EBF2: variants seen among roughly 807,000 people sequenced by gnomAD.
The protein encoded by EBF2 is transcription factor COE2.
EBF2 carries 21 observed loss-of-function variants against 72.8 expected under a neutral mutation model. That is an observed-to-expected ratio of 0.29 (90% CI 0.20 to 0.42). EBF2 has a LOEUF of 0.42. Among genes scored for constraint, EBF2 ranks in the 10% least tolerant of loss-of-function variants. EBF2 has a pLI of 1.00. For missense variants in EBF2, 637 were observed against 731.2 expected (o/e 0.87, Z 1.49); for synonymous variants, 299 against 274.2 (o/e 1.09, Z -0.89).
chr8:25,893,179 G>A (rs1396710029), intron 7 of EBF2, among the ~76,000 whole-genome samples: 2 of 151,650 alleles, frequency 1.3e-5, no homozygotes, highest in African/African-American at 2.4e-5. Flanking sequence ...TATAAATTGT[G>A]TGTGTGAATG....
intron 6 of EBF2, among the ~76,000 whole-genome samples, chr8:25,925,208 G>A (rs1243378373): frequency 2.0e-5 from 3 of 152,162 alleles, no homozygotes; most frequent in East Asian, 3.9e-4. Flanking sequence ...TGGAAATTCT[G>A]ACATCTTTTC....
At position 26,037,138 on chromosome 8, in the gene EBF2, G is replaced by A. The variant is rs79185913; in HGVS notation, c.482+2890C>T. Among the ~76,000 whole-genome samples, 365 of 152,110 alleles carry A rather than the reference G, an allele frequency of 2.4e-3. 3 individuals are homozygous for A. The highest frequency in any genetic ancestry group is 8.5e-3 in the African/African-American group (353 of 41,476). ...CAATTTATTCTCCCCATCTCCACCC[G>A]GAGTCTTTGAAGGAGAGAGAAAAAA... On this transcript the variant is annotated intron_variant, in intron 5 of 15. Coordinates refer to ENST00000520164, the MANE Select transcript of EBF2 (RefSeq NM_022659.4).
chr8:25,858,632 G>T, intron 13 of EBF2, 128 bp from the exon 14 acceptor site: 4 of 466,046 alleles, frequency 8.6e-6, no homozygotes, highest in South Asian at 2.7e-5. Flanking sequence ...GTTGTAGGAA[G>T]TGTGCAGTCC....
At chr8:26,034,015 C>T (rs189057988) in intron 5 of EBF2, among the ~76,000 whole-genome samples, 2 of 152,080 alleles carry the variant, frequency 1.3e-5, no homozygotes, top group South Asian at 2.1e-4. Flanking sequence ...GATTGATATT[C>T]AATGATTTTA....
intron 6 of EBF2, among the ~76,000 whole-genome samples, chr8:25,961,871 C>T (rs1585209213): frequency 6.6e-6 from 1 of 152,270 alleles, no homozygotes; most frequent in African/African-American, 2.4e-5. Flanking sequence ...GCCCATTATT[C>T]TTATCAAGTT....
chr8:25,868,144 AT>A (rs1442587205), intron 10 of EBF2, among the ~76,000 whole-genome samples: 6 of 152,116 alleles, frequency 3.9e-5, no homozygotes, highest in African/African-American at 9.7e-5. Context: ...CCTATTTATA[AT>A]TTTGACTTCC....
At chr8:25,910,081 A>C (rs1585192219) in intron 6 of EBF2, among the ~76,000 whole-genome samples, 13 of 152,106 alleles carry the variant, frequency 8.5e-5, no homozygotes, top group Admixed American at 7.9e-4. Flanking sequence ...TGGCTGTCCG[A>C]CCTCAGTGTT....
rs777216934 is a variant in EBF2 at position 25,866,113 on chromosome 8, C to A, written c.1010-3316G>T. ...CATTATTTTTTTTCTATTACTTAGG[C>A]CTGTACATTCATATCATCTACTTAC... On this transcript the variant is annotated intron_variant, in intron 10 of 15. Transcript: ENST00000520164. Among the ~76,000 whole-genome samples, 224 of 151,400 alleles carry A rather than the reference C, an allele frequency of 1.5e-3. 1 individual carries two copies. The highest frequency in any genetic ancestry group is 2.7e-3 in the Non-Finnish European group (183 of 67,890).
chr8:25,966,380 T>A (rs1804115702), intron 6 of EBF2, among the ~76,000 whole-genome samples: 1 of 152,132 alleles, frequency 6.6e-6, no homozygotes, highest in Non-Finnish European at 1.5e-5. Context: ...TCCCACACCA[T>A]CCCAAGCCTG....
rs79328154 is a variant in EBF2 at position 25,876,879 on chromosome 8, T to C, written c.1009+9876A>G. On this transcript the variant is annotated intron_variant, in intron 10 of 15. Coordinates refer to ENST00000520164, the MANE Select transcript of EBF2 (RefSeq NM_022659.4). ...TAAAGGTGGTGATACTCGGAGCCTG[T>C]AGGACAGAGCCTTGCCTTACGTGCT... 8.4e-3 allele frequency among the ~76,000 whole-genome samples: 1,282 copies of C among 152,294 alleles called. 19 individuals carry two copies. Among genetic ancestry groups the C allele is most frequent in the African/African-American group, 0.029 (1,204 of 41,554 alleles).
At chr8:25,966,552 G>A (rs1804118908) in intron 6 of EBF2, among the ~76,000 whole-genome samples, 1 of 152,174 alleles carries the variant, frequency 6.6e-6, no homozygotes, top group African/African-American at 2.4e-5. Context: ...AACTCCAAAG[G>A]GGCTTTATTC....
At chr8:25,970,628 C>T (rs114812972) in intron 6 of EBF2, among the ~76,000 whole-genome samples, 236 of 152,208 alleles carry the variant, frequency 1.6e-3, no homozygotes, top group African/African-American at 5.4e-3. Context: ...GCTGCCTCTG[C>T]GGGCCAGAAT....
intron 6 of EBF2, among the ~76,000 whole-genome samples, chr8:26,007,024 A>C (rs1389408314): frequency 6.6e-6 from 1 of 152,236 alleles, no homozygotes; most frequent in Non-Finnish European, 1.5e-5. Flanking sequence ...GCCCTTCTAG[A>C]CAGCCACAGA....
At chr8:25,873,656 A>G (rs1802475756) in intron 10 of EBF2, among the ~76,000 whole-genome samples, 1 of 152,258 alleles carries the variant, frequency 6.6e-6, no homozygotes, top group South Asian at 2.1e-4. Context: ...TTTAAATGAA[A>G]TATTAATTTA....
intron 6 of EBF2, among the ~76,000 whole-genome samples, chr8:26,023,132 T>C (rs1805231427): frequency 6.6e-6 from 1 of 152,152 alleles, no homozygotes. Flanking sequence ...CCAAAGAACT[T>C]ATCCAGCCCT....
chr8:25,861,455 G>A (rs2117262585), intron 11 of EBF2, 81 bp from the exon 12 acceptor site: 1 of 1,506,932 alleles, frequency 6.6e-7, no homozygotes, highest in East Asian at 2.3e-5. Context: ...GCAAAAATGA[G>A]AAATCCACAC....
intron 6 of EBF2, among the ~76,000 whole-genome samples, chr8:25,958,448 T>C (rs1585208155): frequency 6.6e-6 from 1 of 152,154 alleles, no homozygotes; most frequent in East Asian, 1.9e-4. Context: ...CTTTATTCAA[T>C]GAACACATCT....
intron 5 of EBF2, among the ~76,000 whole-genome samples, chr8:26,035,206 G>A (rs1337764347): frequency 6.6e-6 from 1 of 150,750 alleles, no homozygotes; most frequent in Non-Finnish European, 1.5e-5. Context: ...GCAGTGACAT[G>A]ATCATGACTC....
chr8:25,878,564 T>C (rs1802559465), intron 10 of EBF2, among the ~76,000 whole-genome samples: 1 of 152,216 alleles, frequency 6.6e-6, no homozygotes, highest in African/African-American at 2.4e-5. Context: ...CTATTTCCTG[T>C]GGGCTCTAGA....
Sources: allele counts gnomAD v4.1 joint callset (sites outside exome capture counted in the v4.1 genomes callset), GRCh38; gene constraint gnomAD v4.1.1; transcripts MANE v1.5; gene names NCBI Gene and HGNC (gene_info 2026-07-23, HGNC 2026-07-21).